EIF4E3: variants seen among roughly 807,000 people sequenced by gnomAD.
EIF4E3 encodes eukaryotic translation initiation factor 4E type 3.
In EIF4E3, 26 loss-of-function variants were observed where a neutral mutation model predicts 31.7. That is an observed-to-expected ratio of 0.82 (90% CI 0.60 to 1.14). The LOEUF (loss-of-function observed/expected upper bound fraction) is 1.14. Ranked by LOEUF, EIF4E3 falls within the 50% of genes most tolerant of loss-of-function variation. The probability of loss-of-function intolerance (pLI) is 0.00; values close to 1 mark genes in which losing one functional copy is unlikely to be tolerated. For missense variants in EIF4E3, 304 were observed against 270.9 expected, an observed-to-expected ratio of 1.12 and a Z score of -0.86; for synonymous variants, 128 against 107.7, an observed-to-expected ratio of 1.19 and a Z score of -1.17.
At chr3:71,662,098 T>G in the EIF4E3 span, among the ~76,000 whole-genome samples, 2 of 152,248 alleles carry the variant, frequency 1.3e-5, no homozygotes, top group African/African-American at 4.8e-5. Context: ...TTGCTTAATT[T>G]CTTGTTTCCA....
downstream of EIF4E3, among the ~76,000 whole-genome samples, chr3:71,672,829 C>T (rs115459984): frequency 3.7e-3 from 555 of 152,034 alleles, 4 homozygotes; most frequent in African/African-American, 0.012. Flanking sequence ...CTGGGTTGGA[C>T]TGCTCCCTGG....
At chr3:71,689,083 C>G (rs2049029488) in intron 6 of EIF4E3, among the ~76,000 whole-genome samples, 1 of 152,230 alleles carries the variant, frequency 6.6e-6, no homozygotes, top group African/African-American at 2.4e-5. Context: ...CTCCTCACAA[C>G]TACCACACAT....
intron 1 of EIF4E3, among the ~76,000 whole-genome samples, chr3:71,750,909 G>A (rs1235618688): frequency 4.6e-5 from 7 of 151,524 alleles, no homozygotes; most frequent in Admixed American, 1.3e-4. Context: ...GACTACAGGC[G>A]CCTGCCACCA....
intron 1 of EIF4E3, among the ~76,000 whole-genome samples, chr3:71,712,356 A>G (rs2049391838): frequency 6.6e-6 from 1 of 152,206 alleles, no homozygotes; most frequent in Non-Finnish European, 1.5e-5. Context: ...TAAAGTATCA[A>G]CTTGGATAGA....
the EIF4E3 span, among the ~76,000 whole-genome samples, chr3:71,669,437 C>T: frequency 6.6e-6 from 1 of 152,266 alleles, no homozygotes; most frequent in East Asian, 1.9e-4. Context: ...GCTTTCAAAA[C>T]CTGTATCGTC....
rs1175361674 is a variant in EIF4E3, at chr3:71,688,205, C to CT, written c.628+1804dup. On this transcript the variant is annotated intron_variant, in intron 6 of 6. Coordinates refer to ENST00000425534, the MANE Select transcript of EIF4E3 (RefSeq NM_001134651.2). ...TGCAGTTTTCTTTCCCCTTGTTTGGCTTTTTTCTTTCCCAGAGCCATCACA... is the reference window on the plus strand; with the variant it reads ...TGCAGTTTTCTTTCCCCTTGTTTGGCTTTTTTTCTTTCCCAGAGCCATCACA... Among the ~76,000 whole-genome samples, 4 of 152,234 alleles carry CT rather than the reference C, an allele frequency of 2.6e-5. No homozygotes were observed. In the South Asian group the frequency reaches 8.3e-4, roughly 32 times the overall value.
At chr3:71,685,838 C>T (rs187008769) in intron 6 of EIF4E3, among the ~76,000 whole-genome samples, 115 of 152,310 alleles carry the variant, frequency 7.6e-4, no homozygotes, top group African/African-American at 2.6e-3. Context: ...CAGGAAGCAA[C>T]GTCTGATAAA....
At chr3:71,707,168 T>C (rs2049305314) in intron 2 of EIF4E3, among the ~76,000 whole-genome samples, 1 of 152,198 alleles carries the variant, frequency 6.6e-6, no homozygotes, top group African/African-American at 2.4e-5. Context: ...GATGATTGGG[T>C]ACTTACTATG....
chr3:71,663,346 G>T, the EIF4E3 span, among the ~76,000 whole-genome samples: 2 of 152,176 alleles, frequency 1.3e-5, no homozygotes, highest in East Asian at 3.8e-4. Context: ...GTAAATATTT[G>T]CTTTCAGGAA....
In EIF4E3 at chr3:71,683,914, G is replaced by C. The variant is rs1262769388; in HGVS notation, c.*768C>G. 6.6e-6 allele frequency: 1 copy of C among 152,164 alleles called. No individual in the cohort carries two copies. Among genetic ancestry groups the C allele is most frequent in the Admixed American group, 6.5e-5 (1 of 15,272 alleles). 9.4% of individuals were successfully genotyped at this position (152,164 alleles called of 1,614,324 possible). On this transcript the variant is annotated 3_prime_UTR_variant, in exon 7 of 7. Coordinates refer to ENST00000425534, the MANE Select transcript of EIF4E3 (RefSeq NM_001134651.2). ...TCCCTTGCTACCACTCTAAGCCTTT[G>C]GTTGAAAAGGCCAAATTAAAATTCG...
chr3:71,677,453 G>A lies in EIF4E3; in HGVS notation c.*7229C>T, dbSNP rs1375593530. On this transcript the variant is annotated 3_prime_UTR_variant, in exon 7 of 7. Transcript: ENST00000425534. Reference sequence around the variant, plus strand: ...TGGCTTCCAAGAAAACTGTACGTTAGGTGACAAGGCAGAGGAACCTATGCT... The same window carrying A: ...TGGCTTCCAAGAAAACTGTACGTTAAGTGACAAGGCAGAGGAACCTATGCT... 6.6e-6 allele frequency: 1 copy of A among 152,116 alleles called. No homozygotes were observed. Among genetic ancestry groups the A allele is most frequent in the East Asian group, 1.9e-4 (1 of 5,188 alleles). The allele number at this position is 152,116 out of a possible 1,614,324, so 9.4% of individuals were successfully genotyped here.
At chr3:71,714,580 A>G (rs1477417227) in intron 1 of EIF4E3, among the ~76,000 whole-genome samples, 1 of 152,218 alleles carries the variant, frequency 6.6e-6, no homozygotes, top group Non-Finnish European at 1.5e-5. Flanking sequence ...TGATTCCAAC[A>G]GTCACTGAAA....
intron 5 of EIF4E3, 50 bp from the exon 6 acceptor site, chr3:71,690,215 T>C: frequency 6.6e-7 from 1 of 1,516,564 alleles, no homozygotes; most frequent in Non-Finnish European, 8.9e-7. Flanking sequence ...TCCAAGTCAG[T>C]CTGACTGTTT....
At position 71,682,999 on chromosome 3, in the gene EIF4E3, A is replaced by G. The variant is rs2048941859; in HGVS notation, c.*1683T>C. On this transcript the variant is annotated 3_prime_UTR_variant, in exon 7 of 7. Coordinates refer to ENST00000425534, the MANE Select transcript of EIF4E3 (RefSeq NM_001134651.2). The stretch of plus-strand genomic sequence containing the variant: ...ATTTTAAAACAAGTTGAATGTTAGT[A>G]CAATGTTTGGAGAAACAAGTCCTAG... 1 of 152,198 alleles carries G rather than the reference A, an allele frequency of 6.6e-6. No homozygotes were observed. Among genetic ancestry groups the G allele is most frequent in the African/African-American group, 2.4e-5 (1 of 41,438 alleles). The allele number at this position is 152,198 out of a possible 1,614,324, so 9.4% of individuals were successfully genotyped here.
chr3:71,696,962 C>G (rs969359374), intron 3 of EIF4E3, among the ~76,000 whole-genome samples: 1 of 151,718 alleles, frequency 6.6e-6, no homozygotes, highest in African/African-American at 2.4e-5. Flanking sequence ...TCGTGATCCA[C>G]CGGTCTCGGC....
Position 71,682,009 on chromosome 3 carries a change from G to A in EIF4E3, c.*2673C>T, listed in dbSNP as rs1431077594. 2 of 152,270 alleles carry A rather than the reference G, an allele frequency of 1.3e-5. No individual in the cohort carries two copies. The highest frequency in any genetic ancestry group is 2.9e-5 in the Non-Finnish European group (2 of 68,028). 9.4% of individuals were successfully genotyped at this position (152,270 alleles called of 1,614,324 possible). A position where few individuals can be genotyped will look rare whatever the true frequency, so the allele number is the denominator to read the frequency against. Reference sequence around the variant, plus strand: ...TTAAGAAATGTGGAAAAGTTGGGGGGAAAGAGGAAATCTTAAAACTGAGTT... The same window carrying A: ...TTAAGAAATGTGGAAAAGTTGGGGGAAAAGAGGAAATCTTAAAACTGAGTT... On this transcript the variant is annotated 3_prime_UTR_variant, in exon 7 of 7. Transcript: ENST00000425534.
intron 1 of EIF4E3, among the ~76,000 whole-genome samples, chr3:71,745,161 T>G (rs1338749247): frequency 2.0e-5 from 3 of 152,198 alleles, no homozygotes; most frequent in African/African-American, 7.2e-5. Flanking sequence ...TTACAGATGC[T>G]CTCCTTAACA....
rs2048868962 is a variant in EIF4E3, at chr3:71,675,567, T to C, written c.*9115A>G. 6.6e-6 allele frequency: 1 copy of C among 152,122 alleles called. No individual in the cohort carries two copies. Among genetic ancestry groups the C allele is most frequent in the South Asian group, 2.1e-4 (1 of 4,824 alleles). The allele number at this position is 152,122 out of a possible 1,614,324, so 9.4% of individuals were successfully genotyped here. On this transcript the variant is annotated 3_prime_UTR_variant, in exon 7 of 7. Coordinates refer to ENST00000425534, the MANE Select transcript of EIF4E3 (RefSeq NM_001134651.2). ...GAAAACATGCATTTTTTCCACATAATATATGGAATGAAGAAAAGATCATTG... is the reference window on the plus strand; with the variant it reads ...GAAAACATGCATTTTTTCCACATAACATATGGAATGAAGAAAAGATCATTG...
chr3:71,686,989 AATT>A (rs1287582197), intron 6 of EIF4E3, among the ~76,000 whole-genome samples: 5 of 152,062 alleles, frequency 3.3e-5, no homozygotes, highest in African/African-American at 7.2e-5. Context: ...TCTCTGTCCC[AATT>A]ATTATTATTT....
Sources: allele counts gnomAD v4.1 joint callset (sites outside exome capture counted in the v4.1 genomes callset), GRCh38; gene constraint gnomAD v4.1.1; transcripts MANE v1.5; gene names NCBI Gene and HGNC (gene_info 2026-07-23, HGNC 2026-07-21).